Variants in ZNF101 observed in about 807,000 individuals in gnomAD.
The protein encoded by ZNF101 is zinc finger protein 101 (Y2).
ZNF101 carries 34 observed loss-of-function variants against 42.6 expected under a neutral mutation model. The ratio of observed to expected loss-of-function variants is 0.80; its 90% CI spans 0.61 to 1.06. The LOEUF (loss-of-function observed/expected upper bound fraction) is 1.06. ZNF101 is among the 50% of genes least tolerant of loss of function. The pLI, the probability that ZNF101 is intolerant of heterozygous loss-of-function variation, is 0.00. For missense variants in ZNF101, 466 were observed against 530.9 expected (o/e 0.88, Z 1.20); for synonymous variants, 158 against 183.9 (o/e 0.86, Z 1.14).
Position 19,677,971 on chromosome 19 carries a change from C to A in ZNF101, c.111C>A (p.Phe37Leu). Residue 37 changes from phenylalanine (F) to leucine (L), a missense_variant, in exon 2 of 4, where the codon TTC (phenylalanine) becomes TTA (leucine). Coordinates refer to ENST00000592502, the MANE Select transcript of ZNF101 (RefSeq NM_033204.4). ...NLYRDVTLETFRNLASVGIQW... is the reference protein window; with the variant it reads ...NLYRDVTLETLRNLASVGIQW... Reference sequence around the variant, plus strand: ...ACAGAGATGTGACGCTGGAAACCTTCAGGAACCTGGCCTCGGTCGGTAAGA... The same window carrying A: ...ACAGAGATGTGACGCTGGAAACCTTAAGGAACCTGGCCTCGGTCGGTAAGA... 3 of 1,611,884 alleles carry A rather than the reference C, an allele frequency of 1.9e-6. No homozygotes were observed. Among genetic ancestry groups the A allele is most frequent in the Non-Finnish European group, 2.5e-6 (3 of 1,178,690 alleles).
Position 19,680,408 on chromosome 19 carries a change from G to T in ZNF101, c.*108G>T. 1 of 562,086 alleles carries T rather than the reference G, an allele frequency of 1.8e-6. No individual in the cohort carries two copies. Among genetic ancestry groups the T allele is most frequent in the South Asian group, 3.4e-5 (1 of 29,060 alleles). The allele number at this position is 562,086 out of a possible 1,614,324, so 34.8% of individuals were successfully genotyped here. A position where few individuals can be genotyped will look rare whatever the true frequency, so the allele number is the denominator to read the frequency against. ...GAGGCGGGTGGATCACCTGAGGTCA[G>T]GAGTTCAAGACTAGCCTGGCCAACA... On this transcript the variant is annotated 3_prime_UTR_variant, in exon 4 of 4. Coordinates refer to ENST00000592502, the MANE Select transcript of ZNF101 (RefSeq NM_033204.4).
At position 19,682,707 on chromosome 19, in the gene ZNF101, T is replaced by C. The variant is rs1158067928; in HGVS notation, c.*2407T>C. 2 of 152,202 alleles carry C rather than the reference T, an allele frequency of 1.3e-5. No individual in the cohort carries two copies. The highest frequency in any genetic ancestry group is 3.8e-4 in the East Asian group (2 of 5,200). 9.4% of individuals were successfully genotyped at this position (152,202 alleles called of 1,614,324 possible). A position where few individuals can be genotyped will look rare whatever the true frequency, so the allele number is the denominator to read the frequency against. On this transcript the variant is annotated 3_prime_UTR_variant, in exon 4 of 4. Coordinates refer to ENST00000592502, the MANE Select transcript of ZNF101 (RefSeq NM_033204.4). ...ATTTTTTTCTATCCATTTTAAAGTG[T>C]TGGATCTGTGGGTGAAGTGAAATTT...
intron 1 of ZNF101, among the ~76,000 whole-genome samples, chr19:19,670,007 T>G (rs531071090): frequency 6.6e-6 from 1 of 152,208 alleles, no homozygotes; most frequent in Non-Finnish European, 1.5e-5. Flanking sequence ...TCTTGGGAAC[T>G]TCACAGGGTA....
At chr19:19,678,120 A>G in intron 2 of ZNF101, 130 bp downstream of exon 2, 1 of 1,343,852 alleles carries the variant, frequency 7.4e-7, no homozygotes, top group Middle Eastern at 2.0e-4. Context: ...GGCCAGGTAC[A>G]GTGGCTTACC....
At chr19:19,668,991 G>A in intron 1 of ZNF101, 25 bp downstream of exon 1, 1 of 1,577,848 alleles carries the variant, frequency 6.3e-7, no homozygotes, top group Non-Finnish European at 8.6e-7. Flanking sequence ...CCGGGCGTCC[G>A]GAGACCTGAG....
At chr19:19,668,763 A>C (rs1242320499), upstream of ZNF101, 1 of 578,930 alleles carries the variant, frequency 1.7e-6, no homozygotes, top group Non-Finnish European at 2.9e-6. Flanking sequence ...CTGTGCGGCA[A>C]ACTGTCCAAT....
In ZNF101 at chr19:19,668,842, C is replaced by G. The variant is rs1037350577; in HGVS notation, c.-122C>G. The G allele has an allele frequency of 1.5e-5, 20 of 1,301,078 alleles. No homozygotes were observed. The highest frequency in any genetic ancestry group is 1.1e-4 in the Admixed American group (4 of 37,360). The allele number at this position is 1,301,078 out of a possible 1,614,324, so 80.6% of individuals were successfully genotyped here. A position where few individuals can be genotyped will look rare whatever the true frequency, so the allele number is the denominator to read the frequency against. On this transcript the variant is annotated 5_prime_UTR_variant, in exon 1 of 4. Transcript: ENST00000592502. ...TCTCATTTCCCGCCGGCCCCCCATT[C>G]GGGTCCGGGTTTTAGTTCCTCGGGG...
In ZNF101 at chr19:19,679,914, C is replaced by G; in HGVS notation, c.925C>G (p.Leu309Val). The change falls in exon 4 of 4, where the codon CTC becomes GTC. Residue 309 changes from leucine to valine, a missense_variant. By Grantham distance (32) the Leu-to-Val change is conservative. Transcript: ENST00000592502. ...TGAAAGAACTCATAGTGGAGGAAAA[C>G]TCTACGAATGTCAAAAATGTGCCAA... Reference protein sequence around the residue: ...RHERTHSGGKLYECQKCAKVF... With the variant: ...RHERTHSGGKVYECQKCAKVF... 6.2e-7 allele frequency: 1 copy of G among 1,614,146 alleles called. No individual in the cohort carries two copies.
Position 19,680,433 on chromosome 19 carries a change from A to C in ZNF101, c.*133A>C. 2.2e-6 allele frequency: 1 copy of C among 457,316 alleles called. No homozygotes were observed. 28.3% of individuals were successfully genotyped at this position (457,316 alleles called of 1,614,324 possible). A position where few individuals can be genotyped will look rare whatever the true frequency, so the allele number is the denominator to read the frequency against. On this transcript the variant is annotated 3_prime_UTR_variant, in exon 4 of 4. Coordinates refer to ENST00000592502, the MANE Select transcript of ZNF101 (RefSeq NM_033204.4). Reference sequence around the variant, plus strand: ...GGAGTTCAAGACTAGCCTGGCCAACATGGTGAAACCCCGTCTCTACTAAAA... The same window carrying C: ...GGAGTTCAAGACTAGCCTGGCCAACCTGGTGAAACCCCGTCTCTACTAAAA...
In ZNF101 at chr19:19,680,256, T is replaced by C. The variant is rs757682884; in HGVS notation, c.1267T>C (p.Cys423Arg). ...ERTHLAGRSQ[C>R]FGRRQGDHLS... ...AACTCATTTGGCCGGGCGTAGCCAGTGCTTTGGCAGGAGGCAGGGGGATCA... is the reference window on the plus strand; with the variant it reads ...AACTCATTTGGCCGGGCGTAGCCAGCGCTTTGGCAGGAGGCAGGGGGATCA... Residue 423 changes from cysteine (C) to arginine (R), a missense_variant, in exon 4 of 4, where the codon TGC becomes CGC. Coordinates refer to ENST00000592502, the MANE Select transcript of ZNF101 (RefSeq NM_033204.4). 18 of 1,544,882 alleles carry C rather than the reference T, an allele frequency of 1.2e-5. No homozygotes were observed. In the South Asian group the frequency reaches 2.2e-4, roughly 19 times the overall value.
intron 1 of ZNF101, among the ~76,000 whole-genome samples, chr19:19,675,767 C>G (rs941690970): frequency 3.3e-5 from 5 of 152,086 alleles, no homozygotes; most frequent in African/African-American, 9.7e-5. Flanking sequence ...CCAGCACTTT[C>G]AGAGGCGAAG....
chr19:19,675,017 T>G (rs1401872067), intron 1 of ZNF101, among the ~76,000 whole-genome samples: 1 of 152,086 alleles, frequency 6.6e-6, no homozygotes, highest in Non-Finnish European at 1.5e-5. Flanking sequence ...AGACGGGGTT[T>G]CACCGTGTTA....
intron 1 of ZNF101, among the ~76,000 whole-genome samples, chr19:19,675,010 C>T (rs557433982): frequency 9.2e-5 from 14 of 151,994 alleles, no homozygotes; most frequent in Admixed American, 3.9e-4. Context: ...TTAGTAGAGA[C>T]GGGGTTTCAC....
chr19:19,668,938 G>T lies in ZNF101; in HGVS notation c.-26G>T. The T allele has an allele frequency of 6.3e-7, 1 of 1,584,496 alleles. No homozygotes were observed. The highest frequency in any genetic ancestry group is 8.6e-7 in the Non-Finnish European group (1 of 1,165,814). On this transcript the variant is annotated 5_prime_UTR_variant, in exon 1 of 4. In the 5' UTR this introduces an upstream ATG that the reference lacks. Transcript: ENST00000592502. ...GTTCTGGCTGCTCCAGCCCCAGGAA[G>T]GACCCAGGACACCCGGAAGCCGGAA...
At chr19:19,672,766 A>G (rs1455400070) in intron 1 of ZNF101, among the ~76,000 whole-genome samples, 1 of 151,790 alleles carries the variant, frequency 6.6e-6, no homozygotes, top group African/African-American at 2.4e-5. Context: ...AGCTCAGGCA[A>G]TCCTCCCACT....
chr19:19,671,625 G>A (rs1020789492), intron 1 of ZNF101, among the ~76,000 whole-genome samples: 2 of 151,328 alleles, frequency 1.3e-5, no homozygotes, highest in African/African-American at 4.9e-5. Flanking sequence ...TCTGCCTCCC[G>A]AGTAGCTGGG....
At chr19:19,678,160 G>A (rs1015549747) in intron 2 of ZNF101, among the ~76,000 whole-genome samples, 170 bp downstream of exon 2, 3 of 151,668 alleles carry the variant, frequency 2.0e-5, no homozygotes, top group Admixed American at 6.6e-5. Flanking sequence ...GGGAAGCCAC[G>A]GTGGGAAGAT....
chr19:19,679,690 T>C lies in ZNF101; in HGVS notation c.701T>C (p.Ile234Thr). The C allele has an allele frequency of 6.2e-7, 1 of 1,614,094 alleles. No individual in the cohort carries two copies. The change falls in exon 4 of 4, where the codon ATC (isoleucine) becomes ACC (threonine). Residue 234 changes from isoleucine (I) to threonine (T), a missense_variant. Ile to Thr is a moderately conservative substitution (Grantham distance 89). Transcript: ENST00000592502. ...RYECKYCGKP[I>T]DYPSLFQIHV... Reference sequence around the variant, plus strand: ...GAATGTAAATACTGTGGAAAACCTATCGATTATCCCAGTTTATTTCAAATT... The same window carrying C: ...GAATGTAAATACTGTGGAAAACCTACCGATTATCCCAGTTTATTTCAAATT...
Position 19,680,375 on chromosome 19 carries a change from G to C in ZNF101, c.*75G>C. ...CTCACGCTTGTAATCCCAGCACTTT[G>C]GGAGGCTGAGGCGGGTGGATCACCT... On this transcript the variant is annotated 3_prime_UTR_variant, in exon 4 of 4. Coordinates refer to ENST00000592502, the MANE Select transcript of ZNF101 (RefSeq NM_033204.4). 2.5e-6 allele frequency: 2 copies of C among 794,942 alleles called. No homozygotes were observed. The highest frequency in any genetic ancestry group is 3.7e-6 in the Non-Finnish European group (2 of 542,914). The allele number at this position is 794,942 out of a possible 1,614,324, so 49.2% of individuals were successfully genotyped here.
Sources: allele counts gnomAD v4.1 joint callset (sites outside exome capture counted in the v4.1 genomes callset), GRCh38; gene constraint gnomAD v4.1.1; transcripts MANE v1.5; gene names NCBI Gene and HGNC (gene_info 2026-07-23, HGNC 2026-07-21).